Variants in FRMD4A observed in about 807,000 individuals in gnomAD.
The protein encoded by FRMD4A is FERM domain containing 4A.
Under a neutral mutation model 129.1 loss-of-function variants are expected in FRMD4A, and 29 were observed. The ratio of observed to expected loss-of-function variants is 0.22; its 90% CI spans 0.17 to 0.31. The LOEUF (loss-of-function observed/expected upper bound fraction) is 0.31. Among genes scored for constraint, FRMD4A ranks in the 10% least tolerant of loss-of-function variants. FRMD4A has a pLI of 1.00. For synonymous variants in FRMD4A, 634 were observed against 571.6 expected (o/e 1.11, Z -1.56); for missense variants, 1,272 against 1,375.8 (o/e 0.92, Z 1.19).
At chr10:14,070,982 A>G (rs1835290581) in intron 2 of FRMD4A, among the ~76,000 whole-genome samples, 1 of 152,244 alleles carries the variant, frequency 6.6e-6, no homozygotes, top group Admixed American at 6.5e-5. Context: ...ATTGCAAGAC[A>G]AAATTCATGC....
chr10:14,010,664 C>CTTTTTTGTTTTTTTTTTTTTTTTTTTT (rs2095678787), intron 2 of FRMD4A, among the ~76,000 whole-genome samples: 1 of 76,418 alleles, frequency 1.3e-5, no homozygotes, highest in Non-Finnish European at 2.4e-5. Context: ...GAGTTTAGGT[C>CTTTTTTGTTTTTTTTTTTTTTTTTTTT]TTTTTTTTTT....
chr10:14,327,226 G>A (rs897295209), intron 2 of FRMD4A, among the ~76,000 whole-genome samples: 2 of 152,210 alleles, frequency 1.3e-5, no homozygotes, highest in Admixed American at 6.5e-5. Context: ...GAACACTAAT[G>A]ATCATCCGTG....
At chr10:14,085,415 AT>A in intron 2 of FRMD4A, among the ~76,000 whole-genome samples, 1 of 152,326 alleles carries the variant, frequency 6.6e-6, no homozygotes, top group African/African-American at 2.4e-5. Flanking sequence ...TACTGCAAAA[AT>A]AGTAGCTTTT....
chr10:13,707,420 C>A (rs2134905432), intron 12 of FRMD4A: 1 of 1,072,692 alleles, frequency 9.3e-7, no homozygotes, highest in African/African-American at 1.6e-5. Flanking sequence ...CAGTCCCCAG[C>A]TTGGCAGACT....
chr10:14,274,916 T>C (rs1478503773), intron 2 of FRMD4A, among the ~76,000 whole-genome samples: 1 of 152,214 alleles, frequency 6.6e-6, no homozygotes, highest in African/African-American at 2.4e-5. Context: ...GGCATCTGAA[T>C]TCTGAATAAG....
intron 12 of FRMD4A, among the ~76,000 whole-genome samples, chr10:13,716,893 T>G (rs1186102943): frequency 1.3e-5 from 2 of 152,248 alleles, no homozygotes; most frequent in Non-Finnish European, 2.9e-5. Flanking sequence ...GACTTCACCA[T>G]AAAGCTTTGA....
At chr10:13,885,228 AAG>A (rs2094605232) in intron 2 of FRMD4A, among the ~76,000 whole-genome samples, 1 of 152,170 alleles carries the variant, frequency 6.6e-6, no homozygotes, top group African/African-American at 2.4e-5. Context: ...CTCCAGAAAA[AAG>A]AGTCTCCCAT....
intron 2 of FRMD4A, among the ~76,000 whole-genome samples, chr10:14,079,729 C>A (rs535760714): frequency 1.3e-5 from 2 of 152,146 alleles, no homozygotes; most frequent in Non-Finnish European, 1.5e-5. Context: ...GCTTGTAATC[C>A]GCTGCCTGGG....
intron 3 of FRMD4A, among the ~76,000 whole-genome samples, chr10:13,834,021 G>A (rs925486440): frequency 1.3e-5 from 2 of 152,168 alleles, no homozygotes; most frequent in Middle Eastern, 3.2e-3. Context: ...ACTTTGGGAG[G>A]CCACGGGGGA....
chr10:13,803,608 G>A (rs979205433), intron 4 of FRMD4A, among the ~76,000 whole-genome samples: 9 of 151,860 alleles, frequency 5.9e-5, no homozygotes, highest in African/African-American at 1.9e-4. Flanking sequence ...AAAGCACTGG[G>A]ATGGCAGGCA....
chr10:14,167,207 G>A (rs537597333), intron 2 of FRMD4A, among the ~76,000 whole-genome samples: 7 of 152,198 alleles, frequency 4.6e-5, no homozygotes, highest in Admixed American at 2.0e-4. Flanking sequence ...AAATAAGTAC[G>A]TCATATATAT....
rs1846912032 is a variant in FRMD4A at position 14,319,971 on chromosome 10, C to T, written c.45+10087G>A. ...GTCACAGAGTTGTCCCAGCTGGCTCCTCCCTGTGCGTGTCCCCTGTCATCC... is the reference window on the plus strand; with the variant it reads ...GTCACAGAGTTGTCCCAGCTGGCTCTTCCCTGTGCGTGTCCCCTGTCATCC... On this transcript the variant is annotated intron_variant, in intron 2 of 24. Coordinates refer to ENST00000357447, the MANE Select transcript of FRMD4A (RefSeq NM_018027.5). 2.0e-5 allele frequency among the ~76,000 whole-genome samples: 3 copies of T among 152,156 alleles called. No individual in the cohort carries two copies. The South Asian group carries it at 6.2e-4, about 32-fold the overall frequency.
intron 15 of FRMD4A, among the ~76,000 whole-genome samples, chr10:13,687,744 C>T (rs944840479): frequency 2.0e-5 from 3 of 152,150 alleles, no homozygotes; most frequent in African/African-American, 7.2e-5. Context: ...AGAGTGAATC[C>T]AATGCACCCT....
At chr10:13,805,419 TA>T (rs2093342329) in intron 4 of FRMD4A, among the ~76,000 whole-genome samples, 1 of 138,564 alleles carries the variant, frequency 7.2e-6, no homozygotes, top group Non-Finnish European at 1.6e-5. Flanking sequence ...TAAACACTTT[TA>T]AAAGGCTTTT....
At chr10:14,153,570 T>A (rs139704395) in intron 2 of FRMD4A, among the ~76,000 whole-genome samples, 1 of 152,234 alleles carries the variant, frequency 6.6e-6, no homozygotes, top group African/African-American at 2.4e-5. Context: ...CACCAGTGTG[T>A]AGAGTATGGA....
At chr10:14,169,775 TCTC>T (rs1479984433) in intron 2 of FRMD4A, among the ~76,000 whole-genome samples, 1 of 152,124 alleles carries the variant, frequency 6.6e-6, no homozygotes, top group East Asian at 1.9e-4. Flanking sequence ...CTCCAACAAA[TCTC>T]CTCTTATTCA....
At chr10:14,238,813 T>C (rs1448448709) in intron 2 of FRMD4A, among the ~76,000 whole-genome samples, 1 of 152,212 alleles carries the variant, frequency 6.6e-6, no homozygotes, top group Non-Finnish European at 1.5e-5. Context: ...GTTAGTTTGC[T>C]GAGAATGACG....
At chr10:14,140,685 C>T (rs950761317) in intron 2 of FRMD4A, among the ~76,000 whole-genome samples, 1 of 152,174 alleles carries the variant, frequency 6.6e-6, no homozygotes, top group Non-Finnish European at 1.5e-5. Flanking sequence ...TAGACCTATT[C>T]TCTTTATGGA....
At chr10:14,031,128 A>G (rs1011671803) in intron 2 of FRMD4A, among the ~76,000 whole-genome samples, 1 of 152,232 alleles carries the variant, frequency 6.6e-6, no homozygotes, top group Non-Finnish European at 1.5e-5. Context: ...GGTCGCCACC[A>G]GAAGTGTGCA....
Sources: gnomAD v4.1 joint callset for allele counts (sites outside exome capture counted in the v4.1 genomes callset) on GRCh38, gnomAD v4.1.1 for gene constraint, MANE v1.5 for transcripts, NCBI Gene and HGNC (gene_info 2026-07-23, HGNC 2026-07-21) for gene names.